The following CRYL1 variants were observed in gnomAD, a reference collection of about 807,000 sequenced individuals.
The protein encoded by CRYL1 is lambda-crystallin homolog.
Under a neutral mutation model 36.6 loss-of-function variants are expected in CRYL1, and 29 were observed. The ratio of observed to expected loss-of-function variants is 0.79; its 90% CI spans 0.59 to 1.08. The LOEUF is 1.08. Ranked by LOEUF, CRYL1 falls within the 50% of genes least tolerant of loss-of-function variation. The pLI is 0.00. For synonymous variants in CRYL1, 152 were observed against 151.5 expected (o/e 1.00, Z -0.02); for missense variants, 411 against 407.9 (o/e 1.01, Z -0.06).
chr13:20,404,857 T>C, intron 6 of CRYL1, 116 bp from the exon 7 acceptor site: 1 of 721,166 alleles, frequency 1.4e-6, no homozygotes, highest in Non-Finnish European at 2.4e-6. Context: ...GCTACACTCT[T>C]CCCTCCCTGT....
chr13:20,417,507 A>C (rs2031700556), intron 5 of CRYL1, among the ~76,000 whole-genome samples: 1 of 152,200 alleles, frequency 6.6e-6, no homozygotes, highest in South Asian at 2.1e-4. Flanking sequence ...TTTAAGGTAA[A>C]ATTCTCAAGT....
chr13:20,409,722 G>A (rs1198703137), intron 6 of CRYL1, among the ~76,000 whole-genome samples: 3 of 151,876 alleles, frequency 2.0e-5, no homozygotes, highest in South Asian at 2.1e-4. Context: ...AGTGGGCGAA[G>A]GACATGAACA....
In CRYL1 at chr13:20,468,320, T is replaced by C. The variant is rs115849888; in HGVS notation, c.276+21050A>G. 2.7e-3 allele frequency among the ~76,000 whole-genome samples: 408 copies of C among 152,312 alleles called. 1 individual carries two copies. Among genetic ancestry groups the C allele is most frequent in the African/African-American group, 8.8e-3 (366 of 41,552 alleles). The stretch of plus-strand genomic sequence containing the variant: ...TTTTAGTTTATTTTTAGAGACAACG[T>C]CTCCCTGTGTTGCCCAGACAGGACT... On this transcript the variant is annotated intron_variant, in intron 3 of 7. Transcript: ENST00000298248.
chr13:20,411,187 A>C (rs966866813), intron 6 of CRYL1, among the ~76,000 whole-genome samples: 2 of 152,218 alleles, frequency 1.3e-5, no homozygotes, highest in African/African-American at 4.8e-5. Context: ...AAGAATGATA[A>C]ACATTTCTAT....
intron 3 of CRYL1, among the ~76,000 whole-genome samples, chr13:20,456,605 A>AAC (rs900472819): frequency 4.6e-3 from 297 of 64,724 alleles, no homozygotes; most frequent in African/African-American, 8.0e-3. Context: ...CGATTCTTAA[A>AAC]ACACACACAC....
chr13:20,525,679 G>T lies in CRYL1; in HGVS notation c.41+75C>A. 1.6e-6 allele frequency: 2 copies of T among 1,217,700 alleles called. No homozygotes were observed. Among genetic ancestry groups the T allele is most frequent in the Non-Finnish European group, 2.1e-6 (2 of 952,266 alleles). The allele number at this position is 1,217,700 out of a possible 1,614,324, so 75.4% of individuals were successfully genotyped here. A position where few individuals can be genotyped will look rare whatever the true frequency, so the allele number is the denominator to read the frequency against. ...CAGCGACCCGGCGCCCACCCCGAGG[G>T]CCCCACGCGAGGGCACCACGTCCCC... On this transcript the variant is annotated intron_variant, in intron 1 of 7. Transcript: ENST00000298248. The surrounding 1 kb of genome is among the most constrained non-coding windows in gnomAD (Gnocchi z 4.3).
intron 6 of CRYL1, among the ~76,000 whole-genome samples, chr13:20,411,594 A>G (rs189330959): frequency 1.7e-3 from 256 of 152,358 alleles, no homozygotes; most frequent in African/African-American, 5.5e-3. Flanking sequence ...ACAAATCTAT[A>G]TACATTTCAA....
At chr13:20,524,679 A>G (rs1362904391) in intron 1 of CRYL1, among the ~76,000 whole-genome samples, 1 of 152,066 alleles carries the variant, frequency 6.6e-6, no homozygotes, top group Non-Finnish European at 1.5e-5. Flanking sequence ...GCGCGGCCCA[A>G]AGTGCACTTT....
intron 2 of CRYL1, among the ~76,000 whole-genome samples, chr13:20,492,184 A>G (rs116642488): frequency 0.013 from 1,911 of 152,312 alleles, 56 homozygotes; most frequent in African/African-American, 0.044. Context: ...GCACCATGTG[A>G]TCCAAAGCTC....
chr13:20,419,291 A>G (rs2031744672), intron 5 of CRYL1, among the ~76,000 whole-genome samples: 1 of 151,866 alleles, frequency 6.6e-6, no homozygotes, highest in African/African-American at 2.4e-5. Flanking sequence ...GATTAAGTTT[A>G]TTATTATTAT....
At chr13:20,431,304 G>A (rs572780520) in intron 5 of CRYL1, 4 of 985,414 alleles carry the variant, frequency 4.1e-6, no homozygotes, top group Admixed American at 6.1e-5. Flanking sequence ...CCCGAGCAGC[G>A]TCCTCCCTAC....
chr13:20,430,332 G>A (rs763787929), intron 5 of CRYL1: 9 of 985,262 alleles, frequency 9.1e-6, no homozygotes, highest in African/African-American at 3.5e-5. Context: ...GTTCCTTACA[G>A]GGACTCCAGG....
In CRYL1 at chr13:20,432,219, G is replaced by C; in HGVS notation, c.516C>G (p.Thr172=). 6.2e-7 allele frequency: 1 copy of C among 1,613,934 alleles called. No individual in the cohort carries two copies. Among genetic ancestry groups the C allele is most frequent in the Non-Finnish European group, 8.5e-7 (1 of 1,179,984 alleles). ...GTCCAATCTTCTTCATCAGGGCGTG[G>C]GTTCTGTCCACTGTCGTAGGGGCCG... ...PETAPTTVDR[T]HALMKKIGQC... is the part of the protein sequence containing the mutation. The change falls in exon 5 of 8, where the codon ACC becomes ACG. Residue 172 remains threonine (T), a synonymous_variant. Transcript: ENST00000298248.
chr13:20,485,062 G>C (rs996064419), intron 3 of CRYL1, among the ~76,000 whole-genome samples: 4 of 152,134 alleles, frequency 2.6e-5, no homozygotes, highest in African/African-American at 9.7e-5. Context: ...CTGTCGCCCA[G>C]GCTGGAGTGC....
chr13:20,406,261 A>T (rs2031375552), intron 6 of CRYL1: 1 of 151,920 alleles, frequency 6.6e-6, no homozygotes, highest in Non-Finnish European at 1.5e-5. Context: ...TACGCTCAAA[A>T]AGCAAAAAAT....
chr13:20,413,838 G>T (rs1213488659), intron 5 of CRYL1, among the ~76,000 whole-genome samples: 1 of 152,128 alleles, frequency 6.6e-6, no homozygotes, highest in Non-Finnish European at 1.5e-5. Flanking sequence ...ACCTATGATA[G>T]TGTTTTGATT....
At chr13:20,428,114 A>T (rs937339731) in intron 5 of CRYL1, among the ~76,000 whole-genome samples, 8 of 152,158 alleles carry the variant, frequency 5.3e-5, no homozygotes, top group Non-Finnish European at 8.8e-5. Flanking sequence ...AACAAAAAGT[A>T]CACACAATCT....
At chr13:20,505,093 C>T (rs1324047443) in intron 2 of CRYL1, among the ~76,000 whole-genome samples, 2 of 151,978 alleles carry the variant, frequency 1.3e-5, no homozygotes, top group Non-Finnish European at 2.9e-5. Flanking sequence ...CAGTGGCTCA[C>T]GCCTGTAATC....
chr13:20,496,302 G>A (rs2033603788), intron 2 of CRYL1, among the ~76,000 whole-genome samples: 1 of 152,134 alleles, frequency 6.6e-6, no homozygotes, highest in African/African-American at 2.4e-5. Context: ...TTTACAAGAT[G>A]AAAAAGCTCT....
Sources: allele counts gnomAD v4.1 joint callset (sites outside exome capture counted in the v4.1 genomes callset), GRCh38; gene constraint gnomAD v4.1.1; non-coding constraint Gnocchi (gnomAD v3.1); transcripts MANE v1.5; gene names NCBI Gene and HGNC (gene_info 2026-07-23, HGNC 2026-07-21).